KCNB2: variants seen among roughly 807,000 people sequenced by gnomAD.
The protein encoded by KCNB2 is delayed rectifier potassium channel protein.
In KCNB2, 15 loss-of-function variants were observed where a neutral mutation model predicts 61.5. The ratio of observed to expected loss-of-function variants is 0.24; its 90% confidence interval spans 0.16 to 0.38. The LOEUF (loss-of-function observed/expected upper bound fraction) is 0.38. Ranked by LOEUF, KCNB2 falls within the 10% of genes least tolerant of loss-of-function variation. The pLI, the probability that KCNB2 is intolerant of heterozygous loss-of-function variation, is 1.00. For missense variants in KCNB2, 828 were observed against 1,125.2 expected (o/e 0.74, Z 3.78); for synonymous variants, 457 against 446.0 (o/e 1.02, Z -0.31).
intron 2 of KCNB2, among the ~76,000 whole-genome samples, chr8:72,905,366 A>G (rs1308892147): frequency 6.6e-6 from 1 of 152,174 alleles, no homozygotes; most frequent in African/African-American, 2.4e-5. Context: ...CAGTTTGGCC[A>G]TTCAGATGGA....
chr8:72,710,109 G>A (rs113363984), intron 2 of KCNB2, among the ~76,000 whole-genome samples: 2,164 of 152,180 alleles, frequency 0.014, 41 homozygotes, highest in African/African-American at 0.05. Flanking sequence ...GTTATCCTGC[G>A]TGCCCATGTT....
intron 2 of KCNB2, among the ~76,000 whole-genome samples, chr8:72,885,629 G>T: frequency 6.6e-6 from 1 of 152,078 alleles, no homozygotes; most frequent in East Asian, 1.9e-4. Context: ...AATTTCTACA[G>T]TATTAGTAGT....
At chr8:72,736,412 T>C (rs1220844552) in intron 2 of KCNB2, among the ~76,000 whole-genome samples, 1 of 152,122 alleles carries the variant, frequency 6.6e-6, no homozygotes, top group Non-Finnish European at 1.5e-5. Context: ...CCAAGAGTTG[T>C]TATTAGTAAA....
intron 2 of KCNB2, among the ~76,000 whole-genome samples, chr8:72,699,613 A>C (rs892297737): frequency 5.3e-5 from 8 of 151,990 alleles, no homozygotes; most frequent in Non-Finnish European, 1.0e-4. Flanking sequence ...GATCCCATTT[A>C]TCAATTTTGG....
chr8:72,937,672 G>C lies in KCNB2; in HGVS notation c.2317G>C (p.Val773Leu), dbSNP rs933146090. Residue 773 changes from valine to leucine, a missense_variant, in exon 3 of 3, where the codon GTT (valine) becomes CTT (leucine). Val to Leu is a conservative substitution (Grantham distance 32). This residue lies in a region of KCNB2 where 559 missense variants were observed against 588.4 expected (regional missense o/e 0.95). Coordinates refer to ENST00000523207, the MANE Select transcript of KCNB2 (RefSeq NM_004770.3). ...QGDRPLLGTE[V>L]SAPCQGPSKG... The stretch of plus-strand genomic sequence containing the variant: ...AGACAGACCCTTGCTGGGCACTGAG[G>C]TTTCAGCGCCTTGTCAGGGACCTTC... The C allele has an allele frequency of 1.2e-6, 2 of 1,613,880 alleles. No homozygotes were observed. The highest frequency in any genetic ancestry group is 1.7e-5 in the Admixed American group (1 of 59,972).
chr8:72,785,183 C>A (rs1808827349), intron 2 of KCNB2, among the ~76,000 whole-genome samples: 1 of 152,112 alleles, frequency 6.6e-6, no homozygotes, highest in Non-Finnish European at 1.5e-5. Context: ...AATCCACAAA[C>A]CCCATTTTAG....
At chr8:72,653,922 C>CT (rs1279096188) in intron 2 of KCNB2, among the ~76,000 whole-genome samples, 2 of 152,088 alleles carry the variant, frequency 1.3e-5, no homozygotes, top group Non-Finnish European at 2.9e-5. Context: ...TATCTGGGTT[C>CT]TTTTTTATCT....
chr8:72,652,479 A>G (rs1405019355), intron 2 of KCNB2, among the ~76,000 whole-genome samples: 1 of 152,038 alleles, frequency 6.6e-6, no homozygotes, highest in Non-Finnish European at 1.5e-5. Context: ...AAAATTATAT[A>G]TCAAATTTTG....
chr8:72,890,717 A>G (rs2129005799), intron 2 of KCNB2, among the ~76,000 whole-genome samples: 1 of 152,352 alleles, frequency 6.6e-6, no homozygotes, highest in Non-Finnish European at 1.5e-5. Context: ...GAAGTCAGGT[A>G]GTACTAACAT....
chr8:72,799,025 C>T (rs1197794224), intron 2 of KCNB2, among the ~76,000 whole-genome samples: 5 of 152,138 alleles, frequency 3.3e-5, no homozygotes, highest in Non-Finnish European at 5.9e-5. Context: ...AGTATCTCAA[C>T]GGGAGTCTCA....
At chr8:72,927,907 C>T (rs1013235419) in intron 2 of KCNB2, among the ~76,000 whole-genome samples, 2 of 152,122 alleles carry the variant, frequency 1.3e-5, no homozygotes, top group Non-Finnish European at 2.9e-5. Context: ...CTGTAATGCC[C>T]TTTATCCCTT....
chr8:72,735,151 G>C (rs1054350063), intron 2 of KCNB2, among the ~76,000 whole-genome samples: 3 of 152,082 alleles, frequency 2.0e-5, no homozygotes, highest in Admixed American at 6.6e-5. Context: ...TTAAATCACA[G>C]ACTCCCCAAT....
chr8:72,625,804 G>T (rs1271762694), intron 2 of KCNB2, among the ~76,000 whole-genome samples: 2 of 152,126 alleles, frequency 1.3e-5, no homozygotes, highest in Non-Finnish European at 1.5e-5. Context: ...CTTACCAGGT[G>T]ATCTTATTCA....
rs576113630 is a variant in KCNB2 at position 72,780,058 on chromosome 8, C to T, written c.580-155877C>T. On this transcript the variant is annotated intron_variant, in intron 2 of 2. Coordinates refer to ENST00000523207, the MANE Select transcript of KCNB2 (RefSeq NM_004770.3). ...GCTGCCTTTTCACTATAAATCAAAG[C>T]CTCTATGTCTAAAGTGTTATTTAAT... Among the ~76,000 whole-genome samples, 4 of 152,222 alleles carry T rather than the reference C, an allele frequency of 2.6e-5. No homozygotes were observed. In the South Asian group the frequency reaches 8.3e-4, roughly 32 times the overall value.
intron 2 of KCNB2, among the ~76,000 whole-genome samples, chr8:72,721,780 T>C (rs894842512): frequency 6.6e-6 from 1 of 152,226 alleles, no homozygotes; most frequent in African/African-American, 2.4e-5. Flanking sequence ...TACCCACTAC[T>C]GACCCCAAAA....
intron 2 of KCNB2, among the ~76,000 whole-genome samples, chr8:72,796,225 C>T (rs979154158): frequency 1.4e-4 from 21 of 151,944 alleles, no homozygotes; most frequent in Non-Finnish European, 8.8e-5. Context: ...TGGTTGGAGC[C>T]GATGTGATAG....
At chr8:72,778,627 A>G (rs566462177) in intron 2 of KCNB2, among the ~76,000 whole-genome samples, 27 of 149,434 alleles carry the variant, frequency 1.8e-4, no homozygotes, top group Non-Finnish European at 3.6e-4. Flanking sequence ...CCCAGCTACT[A>G]AGGAGGCTGA....
intron 2 of KCNB2, among the ~76,000 whole-genome samples, chr8:72,860,633 G>A (rs963656322): frequency 6.6e-6 from 1 of 152,180 alleles, no homozygotes; most frequent in African/African-American, 2.4e-5. Flanking sequence ...TGGAGAAGGA[G>A]CATCTCATAG....
chr8:72,661,435 A>G (rs1245795464), intron 2 of KCNB2: 2 of 152,206 alleles, frequency 1.3e-5, no homozygotes, highest in African/African-American at 4.8e-5. Flanking sequence ...TGTCCTCACC[A>G]TTCGTATTGT....
Sources: allele counts gnomAD v4.1 joint callset (sites outside exome capture counted in the v4.1 genomes callset), GRCh38; gene constraint gnomAD v4.1.1; regional missense constraint gnomAD v4.1.1; transcripts MANE v1.5; gene names NCBI Gene and HGNC (gene_info 2026-07-23, HGNC 2026-07-21).